Variants in DRC8 observed in about 807,000 individuals in gnomAD.
The protein encoded by DRC8 is dynein regulatory complex subunit 8.
chr1:245,082,181 T>C, the DRC8 span: 2 of 1,582,698 alleles, frequency 1.3e-6, no homozygotes, highest in Non-Finnish European at 1.7e-6. Flanking sequence ...GTAAATGCAA[T>C]TGTTAAGGCA....
At chr1:245,084,068 C>CCT in the DRC8 span, among the ~76,000 whole-genome samples, 5 of 114,412 alleles carry the variant, frequency 4.4e-5, no homozygotes, top group East Asian at 2.2e-4. Context: ...TTCCGCCCCC[C>CCT]CCCCGGCGCC....
the DRC8 span, chr1:245,086,819 G>A: frequency 1.9e-6 from 1 of 533,774 alleles, no homozygotes; most frequent in Non-Finnish European, 3.8e-6. Flanking sequence ...CAGAGCTCGT[G>A]AGAGGCAGCC....
At chr1:245,077,363 A>C in the DRC8 span, among the ~76,000 whole-genome samples, 3 of 152,218 alleles carry the variant, frequency 2.0e-5, no homozygotes, top group Non-Finnish European at 4.4e-5. Flanking sequence ...TAAAGTTTGG[A>C]ATTTAGTGAC....
chr1:245,066,764 G>A, the DRC8 span, among the ~76,000 whole-genome samples: 139 of 152,066 alleles, frequency 9.1e-4, 1 homozygote, highest in Non-Finnish European at 3.8e-4. Context: ...AAAATTAGCC[G>A]GGCTTGGTGG....
the DRC8 span, among the ~76,000 whole-genome samples, chr1:245,109,956 G>A: frequency 5.9e-5 from 9 of 152,210 alleles, no homozygotes; most frequent in East Asian, 1.9e-4. Flanking sequence ...TTTATTAAGC[G>A]TGTGTTATCT....
the DRC8 span, among the ~76,000 whole-genome samples, chr1:245,084,066 C>CCG: frequency 2.5e-5 from 3 of 118,982 alleles, no homozygotes; most frequent in East Asian, 4.5e-4. Context: ...AATTCCGCCC[C>CCG]CCCCCCGGCG....
the DRC8 span, among the ~76,000 whole-genome samples, chr1:245,025,857 T>C: frequency 1.3e-5 from 2 of 152,186 alleles, no homozygotes; most frequent in Non-Finnish European, 2.9e-5. Context: ...CTGCAGACGG[T>C]CTCTTTCCTG....
the DRC8 span, among the ~76,000 whole-genome samples, chr1:245,115,739 A>T: frequency 4.6e-5 from 7 of 152,364 alleles, no homozygotes; most frequent in Admixed American, 3.3e-4. Context: ...GGCCAACACC[A>T]GGGCAGAATG....
chr1:245,118,694 G>A, the DRC8 span, among the ~76,000 whole-genome samples: 2 of 152,052 alleles, frequency 1.3e-5, no homozygotes, highest in Non-Finnish European at 2.9e-5. Flanking sequence ...AGGAGGCTGA[G>A]GCAGGAGAAT....
At chr1:245,089,746 C>T in the DRC8 span, among the ~76,000 whole-genome samples, 1 of 152,086 alleles carries the variant, frequency 6.6e-6, no homozygotes, top group Non-Finnish European at 1.5e-5. This position sits in a 1 kb window ranked among gnomAD's most constrained non-coding sequence, Gnocchi z 4.8. Context: ...AAACGGACAA[C>T]AGGCTCGGGG....
At chr1:245,043,767 T>C in the DRC8 span, among the ~76,000 whole-genome samples, 5 of 152,218 alleles carry the variant, frequency 3.3e-5, no homozygotes, top group African/African-American at 1.2e-4. Context: ...GAAGTGATTT[T>C]GACTCTCAGC....
the DRC8 span, among the ~76,000 whole-genome samples, chr1:245,109,084 G>C: frequency 1.3e-5 from 2 of 152,170 alleles, no homozygotes; most frequent in Non-Finnish European, 2.9e-5. Context: ...ACCTCTGCAC[G>C]TAACTGGAGC....
the DRC8 span, among the ~76,000 whole-genome samples, chr1:245,020,559 A>G: frequency 0.053 from 7,380 of 138,616 alleles, 270 homozygotes; most frequent in Non-Finnish European, 0.081. Flanking sequence ...TTAAGACAGT[A>G]TTTGTTCTTT....
chr1:244,971,521 AATT>A, the DRC8 span, among the ~76,000 whole-genome samples: 1 of 152,246 alleles, frequency 6.6e-6, no homozygotes, highest in African/African-American at 2.4e-5. Context: ...ACTAAAAAAT[AATT>A]GTGTTTGATA....
chr1:245,076,962 T>A, the DRC8 span, among the ~76,000 whole-genome samples: 1 of 152,248 alleles, frequency 6.6e-6, no homozygotes, highest in East Asian at 1.9e-4. Flanking sequence ...CCTGACCTCG[T>A]GATCCGCCCA....
chr1:245,083,883 A>T, the DRC8 span: 3 of 633,772 alleles, frequency 4.7e-6, no homozygotes, highest in Non-Finnish European at 7.5e-6. Flanking sequence ...GAAAGGGGAG[A>T]TGGGTTGTTG....
the DRC8 span, among the ~76,000 whole-genome samples, chr1:244,977,759 AAAG>A: frequency 1.3e-5 from 2 of 152,224 alleles, no homozygotes; most frequent in South Asian, 4.1e-4. Context: ...TATATTCTGA[AAAG>A]AATAAAAAAT....
the DRC8 span, among the ~76,000 whole-genome samples, chr1:245,011,942 G>A: frequency 6.6e-6 from 1 of 152,138 alleles, no homozygotes; most frequent in South Asian, 2.1e-4. Flanking sequence ...CTGGCTGGGC[G>A]CAGTGGCTCA....
the DRC8 span, among the ~76,000 whole-genome samples, chr1:244,984,137 G>T: frequency 6.6e-6 from 1 of 151,314 alleles, no homozygotes; most frequent in South Asian, 2.1e-4. Flanking sequence ...TTGGGGGGGG[G>T]GAATAATTTT....
Sources: allele counts gnomAD v4.1 joint callset (sites outside exome capture counted in the v4.1 genomes callset), GRCh38; gene constraint gnomAD v4.1.1; non-coding constraint Gnocchi (gnomAD v3.1); transcripts MANE v1.5; gene names NCBI Gene and HGNC (gene_info 2026-07-23, HGNC 2026-07-21).